The following TENM2 variants were observed in gnomAD, a reference collection of about 807,000 sequenced individuals.
TENM2 encodes the protein teneurin transmembrane protein 2.
TENM2 carries 52 observed loss-of-function variants against 245.2 expected under a neutral mutation model. That is an observed-to-expected ratio of 0.21 (90% CI 0.17 to 0.27). The LOEUF (loss-of-function observed/expected upper bound fraction) is 0.27. Ranked by LOEUF, TENM2 falls within the 10% of genes least tolerant of loss-of-function variation. The pLI, the probability that TENM2 is intolerant of heterozygous loss-of-function variation, is 1.00. For synonymous variants in TENM2, 1,363 were observed against 1,438.9 expected (o/e 0.95, Z 1.19); for missense variants, 3,046 against 3,666.8 (o/e 0.83, Z 4.37).
At chr5:167,754,990 G>A (rs1200109661) in intron 2 of TENM2, 1 of 1,566,236 alleles carries the variant, frequency 6.4e-7, no homozygotes, top group Non-Finnish European at 8.6e-7. Flanking sequence ...TGGGACTGCT[G>A]GTGATTTTTC....
chr5:167,742,334 CAT>C (rs1761233561), intron 2 of TENM2, among the ~76,000 whole-genome samples: 1 of 150,204 alleles, frequency 6.7e-6, no homozygotes, highest in African/African-American at 2.5e-5. Context: ...TGGAACCACA[CAT>C]ATTATTTAAC....
intron 2 of TENM2, among the ~76,000 whole-genome samples, chr5:167,780,251 G>T (rs1445858721): frequency 6.6e-6 from 1 of 152,096 alleles, no homozygotes; most frequent in African/African-American, 2.4e-5. Flanking sequence ...TCCCCTACTT[G>T]CTAATTTGCC....
At chr5:167,055,393 G>C in the TENM2 span, among the ~76,000 whole-genome samples, 30 of 151,932 alleles carry the variant, frequency 2.0e-4, no homozygotes, top group Non-Finnish European at 5.9e-5. Context: ...CTGTCCCATT[G>C]ATCTATTTGT....
chr5:167,087,723 G>A, the TENM2 span, among the ~76,000 whole-genome samples: 2 of 152,022 alleles, frequency 1.3e-5, no homozygotes, highest in Admixed American at 1.3e-4. Context: ...GCAGAGACAC[G>A]ATTCTGAGTA....
At chr5:167,560,571 G>A (rs1582390255) in intron 2 of TENM2, among the ~76,000 whole-genome samples, 2 of 152,138 alleles carry the variant, frequency 1.3e-5, no homozygotes, top group Non-Finnish European at 2.9e-5. Flanking sequence ...GGGCAGTCTT[G>A]AGCACATTAT....
intron 2 of TENM2, among the ~76,000 whole-genome samples, chr5:167,873,069 C>T (rs1028068072): frequency 6.6e-6 from 1 of 152,196 alleles, no homozygotes; most frequent in Non-Finnish European, 1.5e-5. Flanking sequence ...CTGTTCCTAC[C>T]AGAGCCTCGC....
At chr5:167,059,708 C>CAT in the TENM2 span, among the ~76,000 whole-genome samples, 14 of 142,832 alleles carry the variant, frequency 9.8e-5, 1 homozygote, top group African/African-American at 3.2e-4. Flanking sequence ...AAGTAAATGT[C>CAT]TTTTTTTTTT....
intron 5 of TENM2, among the ~76,000 whole-genome samples, chr5:168,042,278 C>T (rs545881531): frequency 2.0e-5 from 3 of 152,238 alleles, no homozygotes; most frequent in East Asian, 1.9e-4. Context: ...ATCTCCTCCT[C>T]GCGTTATGTA....
chr5:167,154,406 G>A, the TENM2 span, among the ~76,000 whole-genome samples: 1 of 152,046 alleles, frequency 6.6e-6, no homozygotes, highest in Admixed American at 6.6e-5. Context: ...ATGCAAACTT[G>A]GCATGAATCT....
At chr5:167,497,700 A>C (rs1379568203) in intron 2 of TENM2, among the ~76,000 whole-genome samples, 1 of 152,112 alleles carries the variant, frequency 6.6e-6, no homozygotes, top group East Asian at 1.9e-4. Flanking sequence ...GCACTGCTAA[A>C]CAGCAAACTT....
chr5:167,844,537 T>G (rs1769851758), intron 2 of TENM2, among the ~76,000 whole-genome samples: 1 of 152,222 alleles, frequency 6.6e-6, no homozygotes, highest in Admixed American at 6.5e-5. Context: ...GTTGTGTTAT[T>G]GGGTTTGGTA....
chr5:167,280,763 T>A (rs1279960574), upstream of TENM2, among the ~76,000 whole-genome samples: 1 of 130,134 alleles, frequency 7.7e-6, no homozygotes, highest in Non-Finnish European at 1.5e-5. Flanking sequence ...TCTGTCTATC[T>A]ATCTATCTAT....
At chr5:167,057,430 G>A in the TENM2 span, among the ~76,000 whole-genome samples, 1 of 151,964 alleles carries the variant, frequency 6.6e-6, no homozygotes, top group African/African-American at 2.4e-5. Context: ...TGGTGTACTG[G>A]GTAAAAACAC....
chr5:168,099,336 A>G (rs1793624721), intron 9 of TENM2, among the ~76,000 whole-genome samples: 1 of 152,142 alleles, frequency 6.6e-6, no homozygotes. Flanking sequence ...GGCAATCCTG[A>G]GTTCCAATCC....
At chr5:167,244,980 A>G in the TENM2 span, among the ~76,000 whole-genome samples, 1 of 152,156 alleles carries the variant, frequency 6.6e-6, no homozygotes, top group Admixed American at 6.6e-5. Context: ...AGAAAATGCA[A>G]AGGAACACCT....
At chr5:167,992,645 C>A (rs1192771073) in intron 4 of TENM2, among the ~76,000 whole-genome samples, 3 of 152,166 alleles carry the variant, frequency 2.0e-5, no homozygotes, top group Non-Finnish European at 4.4e-5. Flanking sequence ...TTAGCATCCT[C>A]AACCTCATCA....
intron 13 of TENM2, among the ~76,000 whole-genome samples, chr5:168,185,861 G>A (rs899146624): frequency 2.8e-4 from 39 of 141,634 alleles, no homozygotes; most frequent in Non-Finnish European, 5.2e-4. Context: ...AAGACTTCAG[G>A]GAGTTTCTGG....
chr5:167,735,747 A>G (rs1317949575), intron 2 of TENM2, among the ~76,000 whole-genome samples: 2 of 152,144 alleles, frequency 1.3e-5, no homozygotes, highest in African/African-American at 2.4e-5. Flanking sequence ...TGGAGGTTGC[A>G]CTGAGCCAAG....
chr5:168,085,894 A>C (rs115855008), intron 7 of TENM2, among the ~76,000 whole-genome samples: 2,424 of 152,344 alleles, frequency 0.016, 36 homozygotes, highest in Non-Finnish European at 0.023. Context: ...GGTAGAATCA[A>C]CATCAGACAT....
Sources: allele counts gnomAD v4.1 joint callset (sites outside exome capture counted in the v4.1 genomes callset), GRCh38; gene constraint gnomAD v4.1.1; transcripts MANE v1.5; gene names NCBI Gene and HGNC (gene_info 2026-07-23, HGNC 2026-07-21).